Variants in GAS7 observed in about 807,000 individuals in gnomAD.
GAS7 encodes growth arrest specific 7, also known as growth arrest-specific protein 7.
Under a neutral mutation model 71.1 loss-of-function variants are expected in GAS7, and 28 were observed. That is an observed-to-expected ratio of 0.39 (90% CI 0.29 to 0.54). The LOEUF (loss-of-function observed/expected upper bound fraction) is 0.54. Ranked by LOEUF, GAS7 falls within the 20% of genes least tolerant of loss-of-function variation. GAS7 has a pLI of 0.62. For synonymous variants in GAS7, 258 were observed against 245.8 expected (o/e 1.05, Z -0.46); for missense variants, 436 against 627.8 (o/e 0.69, Z 3.27).
At chr17:9,967,200 T>A (rs1207815277) in intron 4 of GAS7, among the ~76,000 whole-genome samples, 1 of 151,874 alleles carries the variant, frequency 6.6e-6, no homozygotes, top group Non-Finnish European at 1.5e-5. Context: ...AGTAAAAAAT[T>A]GTATCTGCCT....
intron 1 of GAS7, among the ~76,000 whole-genome samples, chr17:10,064,047 A>T (rs993836573): frequency 1.3e-5 from 2 of 152,106 alleles, no homozygotes; most frequent in African/African-American, 4.8e-5. Context: ...AACATTAGTC[A>T]CACACGTGCC....
At chr17:9,964,335 C>T (rs2069620366) in intron 4 of GAS7, among the ~76,000 whole-genome samples, 2 of 152,140 alleles carry the variant, frequency 1.3e-5, no homozygotes, top group Admixed American at 1.3e-4. Flanking sequence ...TAATCTGGGT[C>T]CCATCCCTTC....
chr17:10,187,082 G>A (rs1174185113), intron 1 of GAS7, among the ~76,000 whole-genome samples: 4 of 152,090 alleles, frequency 2.6e-5, no homozygotes, highest in African/African-American at 7.2e-5. Context: ...CCAAACACAC[G>A]GCAGGATTGT....
Position 10,026,352 on chromosome 17 carries a change from A to C in GAS7, c.184-6455T>G. Reference sequence around the variant, plus strand: ...CCACTCCCCCCACACCCAGATCTATATATAACAGCTCTGAAGTTGTCAGCC... The same window carrying C: ...CCACTCCCCCCACACCCAGATCTATCTATAACAGCTCTGAAGTTGTCAGCC... On this transcript the variant is annotated intron_variant, in intron 1 of 13. Transcript: ENST00000432992. The surrounding 1 kb of genome is among the most constrained non-coding windows in gnomAD (Gnocchi z 4.5). The C allele has an allele frequency of 3.3e-6, 3 of 921,574 alleles. No homozygotes were observed. The highest frequency in any genetic ancestry group is 3.9e-6 in the Non-Finnish European group (3 of 771,708). The allele number at this position is 921,574 out of a possible 1,614,324, so 57.1% of individuals were successfully genotyped here. A position where few individuals can be genotyped will look rare whatever the true frequency, so the allele number is the denominator to read the frequency against.
At chr17:9,990,290 A>C (rs1380810832) in intron 2 of GAS7, among the ~76,000 whole-genome samples, 1 of 152,146 alleles carries the variant, frequency 6.6e-6, no homozygotes, top group Admixed American at 6.5e-5. Flanking sequence ...AAAAAAGAAG[A>C]AAGCTCGCCC....
chr17:9,989,505 T>C (rs1597623672), intron 2 of GAS7, among the ~76,000 whole-genome samples: 2 of 152,124 alleles, frequency 1.3e-5, no homozygotes, highest in Non-Finnish European at 1.5e-5. Flanking sequence ...CACATGCACA[T>C]GTGTATAAAA....
intron 1 of GAS7, among the ~76,000 whole-genome samples, chr17:10,047,377 C>T (rs1253485620): frequency 6.6e-6 from 1 of 152,180 alleles, no homozygotes; most frequent in African/African-American, 2.4e-5. Flanking sequence ...GATGGGTGCA[C>T]CATCGAACCC....
intron 1 of GAS7, among the ~76,000 whole-genome samples, chr17:10,161,053 G>A (rs1189481543): frequency 3.9e-5 from 6 of 151,994 alleles, no homozygotes; most frequent in Non-Finnish European, 8.8e-5. Context: ...GTTGCAGATG[G>A]ATCCAAGCAC....
Position 10,034,869 on chromosome 17 carries a change from G to T in GAS7, c.184-14972C>A, listed in dbSNP as rs1443298883. Among the ~76,000 whole-genome samples, 1 of 152,108 alleles carries T rather than the reference G, an allele frequency of 6.6e-6. No homozygotes were observed. The highest frequency in any genetic ancestry group is 1.5e-5 in the Non-Finnish European group (1 of 68,018). On this transcript the variant is annotated intron_variant, in intron 1 of 13. Coordinates refer to ENST00000432992, the MANE Select transcript of GAS7 (RefSeq NM_201433.2). The surrounding 1 kb of genome is among the most constrained non-coding windows in gnomAD (Gnocchi z 4.4). ...GTCACTCCTCCGAGCCACGTGAGTG[G>T]TCTTAGCTCTATTTGCCTAGCAACT...
At chr17:10,102,055 T>C (rs919030140) in intron 1 of GAS7, among the ~76,000 whole-genome samples, 2 of 152,042 alleles carry the variant, frequency 1.3e-5, no homozygotes, top group African/African-American at 4.8e-5. Flanking sequence ...AGTGGGCCTA[T>C]AGGGTCATTG....
intron 1 of GAS7, among the ~76,000 whole-genome samples, chr17:10,091,869 A>G (rs958265743): frequency 3.8e-4 from 57 of 151,794 alleles, no homozygotes; most frequent in African/African-American, 1.4e-3. Context: ...TTTTTTGTAG[A>G]GAGAGGGTTT....
chr17:9,999,555 G>T (rs2152160467), intron 2 of GAS7, among the ~76,000 whole-genome samples: 1 of 152,028 alleles, frequency 6.6e-6, no homozygotes, highest in South Asian at 2.1e-4. Context: ...ACTGAGTATT[G>T]CTTTTCACAG....
At chr17:10,097,356 A>G (rs778198008) in intron 1 of GAS7, among the ~76,000 whole-genome samples, 16 of 152,266 alleles carry the variant, frequency 1.1e-4, no homozygotes, top group Non-Finnish European at 2.2e-4. Flanking sequence ...ATGGCAGAGC[A>G]GAAGAGAGAC....
At chr17:10,172,359 G>A (rs1012489542) in intron 1 of GAS7, among the ~76,000 whole-genome samples, 3 of 152,112 alleles carry the variant, frequency 2.0e-5, no homozygotes, top group African/African-American at 7.2e-5. Context: ...TTCCCCAGGG[G>A]GCAGCCAATC....
intron 1 of GAS7, among the ~76,000 whole-genome samples, chr17:10,087,197 G>C (rs1451864654): frequency 2.0e-5 from 3 of 151,922 alleles, no homozygotes; most frequent in Admixed American, 1.3e-4. Context: ...CTCGCCGGGA[G>C]AGCTCTACAC....
chr17:10,061,446 C>T (rs2073218773), intron 1 of GAS7: 1 of 152,244 alleles, frequency 6.6e-6, no homozygotes, highest in African/African-American at 2.4e-5. Context: ...CCTCTCCTCC[C>T]CACCCATGAC....
At chr17:10,073,460 AC>A (rs1442814568) in intron 1 of GAS7, among the ~76,000 whole-genome samples, 1 of 152,162 alleles carries the variant, frequency 6.6e-6, no homozygotes, top group Non-Finnish European at 1.5e-5. Context: ...GTCCTCAAGC[AC>A]CTGGGGAGAG....
At chr17:10,051,890 C>T (rs1306875780) in intron 1 of GAS7, among the ~76,000 whole-genome samples, 1 of 152,182 alleles carries the variant, frequency 6.6e-6, no homozygotes, top group Non-Finnish European at 1.5e-5. Flanking sequence ...CCCCAAATCA[C>T]ATTCACTGCC....
chr17:10,061,712 G>A (rs2073222161), intron 1 of GAS7, among the ~76,000 whole-genome samples: 1 of 152,174 alleles, frequency 6.6e-6, no homozygotes, highest in African/African-American at 2.4e-5. Context: ...GTAGGAAGGG[G>A]CAGCTGTGGC....
Sources: allele counts gnomAD v4.1 joint callset (sites outside exome capture counted in the v4.1 genomes callset), GRCh38; gene constraint gnomAD v4.1.1; non-coding constraint Gnocchi (gnomAD v3.1); transcripts MANE v1.5; gene names NCBI Gene and HGNC (gene_info 2026-07-23, HGNC 2026-07-21).